The following DLGAP2 variants were observed in gnomAD, a reference collection of about 807,000 sequenced individuals.
DLGAP2 encodes DLG associated protein 2.
In DLGAP2, 26 loss-of-function variants were observed where a neutral mutation model predicts 100.3. The observed-to-expected ratio is 0.26, with a 90% CI of 0.19 to 0.36. The LOEUF (loss-of-function observed/expected upper bound fraction) is 0.36. Ranked by LOEUF, DLGAP2 falls within the 10% of genes least tolerant of loss-of-function variation. DLGAP2 has a pLI of 1.00. For synonymous variants in DLGAP2, 886 were observed against 630.1 expected (o/e 1.41, Z -6.08); for missense variants, 1,858 against 1,453.2 (o/e 1.28, Z -4.53).
rs527828990 is a variant in DLGAP2 at position 1,533,784 on chromosome 8, C to T, written c.173-14842C>T. On this transcript the variant is annotated intron_variant, in intron 4 of 14. Coordinates refer to ENST00000637795, the MANE Select transcript of DLGAP2 (RefSeq NM_001346810.2). The stretch of plus-strand genomic sequence containing the variant: ...TCAGCCCAGGCAATGTGGAGAGACC[C>T]TGTCTCTACAAAAAAATTAAAAAAT... Among the ~76,000 whole-genome samples, 14 of 152,154 alleles carry T rather than the reference C, an allele frequency of 9.2e-5. No homozygotes were observed. In the South Asian group the frequency reaches 2.9e-3, roughly 32 times the overall value.
At chr8:1,677,522 GAC>G (rs1196386344) in intron 11 of DLGAP2, among the ~76,000 whole-genome samples, 2 of 152,042 alleles carry the variant, frequency 1.3e-5, no homozygotes, top group East Asian at 1.9e-4. Context: ...GACACAGAGA[GAC>G]ACACACACAC....
chr8:1,320,955 G>A (rs1376225879), intron 3 of DLGAP2, among the ~76,000 whole-genome samples: 1 of 152,214 alleles, frequency 6.6e-6, no homozygotes, highest in Non-Finnish European at 1.5e-5. Flanking sequence ...CTGTGTGTGT[G>A]CATGCATCCC....
intron 3 of DLGAP2, among the ~76,000 whole-genome samples, chr8:1,319,774 G>A (rs141002500): frequency 2.0e-5 from 3 of 152,304 alleles, no homozygotes; most frequent in East Asian, 1.9e-4. Flanking sequence ...GCAGGGAGAT[G>A]TTGTCTGTAA....
intron 2 of DLGAP2, among the ~76,000 whole-genome samples, chr8:994,443 G>A (rs527239955): frequency 5.8e-4 from 88 of 152,132 alleles, no homozygotes; most frequent in South Asian, 2.3e-3. Flanking sequence ...CAGGTGATCC[G>A]TCTGCCTCAG....
At chr8:1,023,052 A>G (rs150295530) in intron 2 of DLGAP2, among the ~76,000 whole-genome samples, 60 of 152,368 alleles carry the variant, frequency 3.9e-4, no homozygotes, top group African/African-American at 1.4e-3. Flanking sequence ...GCAGACATCC[A>G]GCCACATGCC....
chr8:1,437,250 A>G (rs971383878), intron 3 of DLGAP2, among the ~76,000 whole-genome samples: 3 of 152,130 alleles, frequency 2.0e-5, no homozygotes, highest in Non-Finnish European at 4.4e-5. Context: ...CCAGGCGCGT[A>G]AGGGTGACGC....
In DLGAP2 at chr8:1,316,753, A is replaced by G. The variant is rs531234638; in HGVS notation, c.106+57870A>G. Among the ~76,000 whole-genome samples the G allele has an allele frequency of 4.2e-5, 6 of 142,280 alleles. No individual in the cohort carries two copies. In the South Asian group the frequency reaches 1.4e-3, roughly 34 times the overall value. The allele number at this position is 142,280 out of a possible 152,430, so 93.3% of individuals were successfully genotyped here. On this transcript the variant is annotated intron_variant, in intron 3 of 14. Coordinates refer to ENST00000637795, the MANE Select transcript of DLGAP2 (RefSeq NM_001346810.2). ...CGAGAAACTCGGCAGCTTTAAAAAT[A>G]GAGCGTGTGCGAGTACAGCGTCTCT...
chr8:1,542,973 C>T (rs551126521), intron 4 of DLGAP2, among the ~76,000 whole-genome samples: 5 of 152,286 alleles, frequency 3.3e-5, no homozygotes, highest in East Asian at 1.9e-4. Flanking sequence ...TGATTCTGAA[C>T]GCCTTTCTGT....
chr8:1,104,600 ACT>A (rs1260150341), intron 2 of DLGAP2, among the ~76,000 whole-genome samples: 2 of 152,002 alleles, frequency 1.3e-5, no homozygotes, highest in African/African-American at 4.8e-5. Context: ...GCGTTTGCTG[ACT>A]CTGTCTCATT....
intron 3 of DLGAP2, among the ~76,000 whole-genome samples, chr8:1,460,128 GGC>G (rs1477271360): frequency 1.3e-5 from 2 of 152,160 alleles, no homozygotes; most frequent in Non-Finnish European, 2.9e-5. Context: ...TCGGTTCTGC[GGC>G]CCCGGGCTTC....
At chr8:881,492 CTCTCTTT>C (rs752467874) in intron 1 of DLGAP2, among the ~76,000 whole-genome samples, 36,751 of 127,132 alleles carry the variant, frequency 0.29, 4,432 homozygotes, top group Non-Finnish European at 0.32. Flanking sequence ...ACCATTTCAT[CTCTCTTT>C]TTTTTTTTTT....
At chr8:1,059,252 C>G (rs1026132327) in intron 2 of DLGAP2, among the ~76,000 whole-genome samples, 2 of 152,092 alleles carry the variant, frequency 1.3e-5, no homozygotes, top group Non-Finnish European at 2.9e-5. Context: ...GCCCACTCAC[C>G]CCTCGGGGTC....
At chr8:1,626,507 G>C (rs111977475) in intron 6 of DLGAP2, among the ~76,000 whole-genome samples, 5 of 144,858 alleles carry the variant, frequency 3.5e-5, no homozygotes, top group African/African-American at 1.0e-4. Flanking sequence ...TTGGACGGTC[G>C]TTCCCATCTC....
intron 1 of DLGAP2, among the ~76,000 whole-genome samples, chr8:763,433 C>T (rs1335096432): frequency 1.3e-5 from 2 of 152,200 alleles, no homozygotes; most frequent in African/African-American, 4.8e-5. Context: ...CCGTGCTCTT[C>T]TGCTGTTAGA....
chr8:1,682,390 G>A (rs1321624135), intron 12 of DLGAP2, among the ~76,000 whole-genome samples: 1 of 152,096 alleles, frequency 6.6e-6, no homozygotes, highest in East Asian at 1.9e-4. Context: ...TATAAATTAT[G>A]CCATAAAAAT....
chr8:1,412,972 A>G (rs1185872669), intron 3 of DLGAP2, among the ~76,000 whole-genome samples: 1 of 151,572 alleles, frequency 6.6e-6, no homozygotes, highest in Non-Finnish European at 1.5e-5. Flanking sequence ...CCTCCGTAAA[A>G]CAGACTTGCC....
At chr8:1,466,412 C>G (rs1459260502) in intron 3 of DLGAP2, among the ~76,000 whole-genome samples, 1 of 152,056 alleles carries the variant, frequency 6.6e-6, no homozygotes, top group Non-Finnish European at 1.5e-5. Flanking sequence ...AATCTGCCCA[C>G]TGGAACCACG....
intron 2 of DLGAP2, among the ~76,000 whole-genome samples, chr8:1,178,713 C>T (rs1249329717): frequency 6.6e-6 from 1 of 152,176 alleles, no homozygotes; most frequent in Admixed American, 6.5e-5. Flanking sequence ...TTAGCAACTG[C>T]TGGGCAGTGC....
chr8:1,201,994 GGTGT>G (rs1228247235), intron 2 of DLGAP2, among the ~76,000 whole-genome samples: 3 of 151,876 alleles, frequency 2.0e-5, no homozygotes, highest in Non-Finnish European at 4.4e-5. Flanking sequence ...GTGTATATGT[GGTGT>G]GTGTGTATAC....
Sources: gnomAD v4.1 joint callset for allele counts (sites outside exome capture counted in the v4.1 genomes callset) on GRCh38, gnomAD v4.1.1 for gene constraint, MANE v1.5 for transcripts, NCBI Gene and HGNC (gene_info 2026-07-23, HGNC 2026-07-21) for gene names.